CFAP299: variants seen among roughly 807,000 people sequenced by gnomAD.
CFAP299 encodes the protein cilia and flagella associated protein 299, also known as cilia- and flagella-associated protein 299.
CFAP299 carries 21 observed loss-of-function variants against 27.0 expected under a neutral mutation model. That is an observed-to-expected ratio of 0.78 (90% CI 0.55 to 1.12). CFAP299 has a LOEUF of 1.12. Ranked by LOEUF, CFAP299 falls within the 50% of genes most tolerant of loss-of-function variation. The pLI is 0.00. For missense variants in CFAP299, 310 were observed against 276.6 expected (o/e 1.12, Z -0.86); for synonymous variants, 104 against 98.1 (o/e 1.06, Z -0.36).
At chr4:80,629,453 A>G (rs1265753972) in intron 3 of CFAP299, among the ~76,000 whole-genome samples, 1 of 152,168 alleles carries the variant, frequency 6.6e-6, no homozygotes, top group East Asian at 1.9e-4. Context: ...GAGAGAGTAG[A>G]TGTTAACTGT....
chr4:80,775,347 G>C (rs753185245), intron 3 of CFAP299, among the ~76,000 whole-genome samples: 1 of 151,738 alleles, frequency 6.6e-6, no homozygotes, highest in Non-Finnish European at 1.5e-5. Context: ...TATGCTTCTC[G>C]TATATCTAAG....
intron 3 of CFAP299, among the ~76,000 whole-genome samples, chr4:80,781,122 C>T (rs1368318645): frequency 1.3e-5 from 2 of 151,932 alleles, no homozygotes; most frequent in Non-Finnish European, 2.9e-5. Context: ...TGCCTTCTAT[C>T]CAAATATCTT....
intron 2 of CFAP299, among the ~76,000 whole-genome samples, chr4:80,457,136 C>T (rs1020833809): frequency 2.6e-5 from 4 of 152,002 alleles, no homozygotes; most frequent in African/African-American, 9.7e-5. Context: ...TCAAATACAA[C>T]TTTGAAGTAG....
At chr4:80,409,713 C>T (rs1243483055) in intron 2 of CFAP299, among the ~76,000 whole-genome samples, 1 of 152,054 alleles carries the variant, frequency 6.6e-6, no homozygotes, top group Non-Finnish European at 1.5e-5. Flanking sequence ...TCCTTATTGA[C>T]AGGAATTATT....
At chr4:80,518,623 A>T (rs918712307) in intron 2 of CFAP299, among the ~76,000 whole-genome samples, 1 of 152,162 alleles carries the variant, frequency 6.6e-6, no homozygotes, top group Non-Finnish European at 1.5e-5. Flanking sequence ...AGATGCAAGG[A>T]ATTACAGAAG....
At chr4:80,540,031 GCGC>G (rs1390274959) in intron 2 of CFAP299, among the ~76,000 whole-genome samples, 5 of 125,324 alleles carry the variant, frequency 4.0e-5, no homozygotes, top group African/African-American at 1.8e-4. Flanking sequence ...TGTAAAAGCT[GCGC>G]TGTCTTAGTC....
At chr4:80,386,972 C>T in intron 2 of CFAP299, 9 of 973,838 alleles carry the variant, frequency 9.2e-6, no homozygotes, top group Non-Finnish European at 1.2e-5. Flanking sequence ...TCTTGCACAC[C>T]TGGCCCTTGA....
intron 3 of CFAP299, among the ~76,000 whole-genome samples, chr4:80,719,604 G>A (rs574093433): frequency 1.3e-5 from 2 of 152,292 alleles, no homozygotes; most frequent in South Asian, 2.1e-4. Context: ...GAAAGAAAGT[G>A]CTATATAAAC....
intron 3 of CFAP299, among the ~76,000 whole-genome samples, chr4:80,631,282 A>C (rs1433409031): frequency 1.3e-5 from 2 of 151,996 alleles, no homozygotes; most frequent in African/African-American, 2.4e-5. Context: ...GCATTATATA[A>C]TTCATGTCTT....
At chr4:80,801,834 T>C (rs1463250848) in intron 3 of CFAP299, among the ~76,000 whole-genome samples, 1 of 152,106 alleles carries the variant, frequency 6.6e-6, no homozygotes, top group Non-Finnish European at 1.5e-5. Context: ...TTAAAACCCA[T>C]TTTGCCCAAC....
At chr4:80,773,426 T>C (rs562628011) in intron 3 of CFAP299, among the ~76,000 whole-genome samples, 5 of 152,236 alleles carry the variant, frequency 3.3e-5, no homozygotes, top group African/African-American at 1.2e-4. Flanking sequence ...TTGGAGGGTA[T>C]GGATTTGAAT....
chr4:80,652,263 C>T (rs1021668191), intron 3 of CFAP299, among the ~76,000 whole-genome samples: 1 of 151,990 alleles, frequency 6.6e-6, no homozygotes, highest in South Asian at 2.1e-4. Context: ...CAAGTGGAGT[C>T]GCTGCATGAG....
At chr4:80,345,335 T>TA (rs1430746886) in intron 1 of CFAP299, among the ~76,000 whole-genome samples, 1 of 152,072 alleles carries the variant, frequency 6.6e-6, no homozygotes, top group Non-Finnish European at 1.5e-5. Context: ...GCAGGTTTGT[T>TA]ACATATGTAT....
At chr4:80,857,485 G>C (rs1379485355) in intron 3 of CFAP299, among the ~76,000 whole-genome samples, 1 of 152,098 alleles carries the variant, frequency 6.6e-6, no homozygotes, top group Non-Finnish European at 1.5e-5. Context: ...TCTTGTGCCA[G>C]TTTTCAAAGG....
At chr4:80,828,964 C>G (rs1435518534) in intron 3 of CFAP299, among the ~76,000 whole-genome samples, 3 of 151,834 alleles carry the variant, frequency 2.0e-5, no homozygotes, top group Non-Finnish European at 4.4e-5. Flanking sequence ...AATGTAAGAG[C>G]TAAAATTATA....
At chr4:80,338,721 T>C (rs1722285357) in intron 1 of CFAP299, among the ~76,000 whole-genome samples, 1 of 152,248 alleles carries the variant, frequency 6.6e-6, no homozygotes, top group Non-Finnish European at 1.5e-5. Context: ...TAAGTAAGAA[T>C]CTATTCTAGA....
chr4:80,938,481 C>A (rs537658704), intron 4 of CFAP299, among the ~76,000 whole-genome samples: 1 of 152,336 alleles, frequency 6.6e-6, no homozygotes, highest in African/African-American at 2.4e-5. Flanking sequence ...CCCTTTGTTA[C>A]CCATAAGGAA....
rs143076084 is a variant in CFAP299 at position 80,766,355 on chromosome 4, A to G, written c.334-103638A>G. Among the ~76,000 whole-genome samples, 18 of 152,324 alleles carry G rather than the reference A, an allele frequency of 1.2e-4. No homozygotes were observed. The East Asian group carries it at 2.5e-3, about 21-fold the overall frequency. ...TGTTCAGGACTAAGATTGTACTTAT[A>G]CAGACGAAAATAATTTGCTGTTTTT... On this transcript the variant is annotated intron_variant, in intron 3 of 5. Coordinates refer to ENST00000358105, the MANE Select transcript of CFAP299 (RefSeq NM_152770.3).
At chr4:80,342,650 G>T (rs1162062315) in intron 1 of CFAP299, among the ~76,000 whole-genome samples, 2 of 152,110 alleles carry the variant, frequency 1.3e-5, no homozygotes, top group Non-Finnish European at 2.9e-5. Flanking sequence ...GGCCTGCTTT[G>T]CAAGAGTTCC....
Sources: gnomAD v4.1 joint callset for allele counts (sites outside exome capture counted in the v4.1 genomes callset) on GRCh38, gnomAD v4.1.1 for gene constraint, MANE v1.5 for transcripts, NCBI Gene and HGNC (gene_info 2026-07-23, HGNC 2026-07-21) for gene names.